Variants in IQGAP2 observed in about 807,000 individuals in gnomAD.
IQGAP2 encodes IQ motif containing GTPase activating protein 2, also known as ras GTPase-activating-like protein IQGAP2.
Under a neutral mutation model 201.3 loss-of-function variants are expected in IQGAP2, and 173 were observed. The observed-to-expected ratio is 0.86, with a 90% CI of 0.76 to 0.98. The LOEUF is 0.98. IQGAP2 is among the 50% of genes least tolerant of loss of function. The probability of loss-of-function intolerance (pLI) is 0.00; values close to 1 mark genes in which losing one functional copy is unlikely to be tolerated. For synonymous variants in IQGAP2, 675 were observed against 673.9 expected, an observed-to-expected ratio of 1.00 and a Z score of -0.03; for missense variants, 1,687 against 1,864.8, an observed-to-expected ratio of 0.90 and a Z score of 1.76.
intron 2 of IQGAP2, among the ~76,000 whole-genome samples, chr5:76,562,028 A>G (rs1237119773): frequency 6.6e-6 from 1 of 152,210 alleles, no homozygotes; most frequent in African/African-American, 2.4e-5. Context: ...GCCTCTGCCA[A>G]GGGCTCCTAA....
intron 2 of IQGAP2, among the ~76,000 whole-genome samples, chr5:76,481,252 C>G (rs1461760646): frequency 6.6e-6 from 1 of 151,912 alleles, no homozygotes; most frequent in Non-Finnish European, 1.5e-5. Flanking sequence ...ATAACAGGAG[C>G]CACATGTATA....
At chr5:76,516,864 A>G (rs765615338) in intron 2 of IQGAP2, among the ~76,000 whole-genome samples, 1 of 152,232 alleles carries the variant, frequency 6.6e-6, no homozygotes, top group Non-Finnish European at 1.5e-5. Context: ...TGCTATCTTA[A>G]CTTAAAAAAT....
chr5:76,453,880 T>C (rs1753911566), intron 1 of IQGAP2, among the ~76,000 whole-genome samples: 1 of 152,210 alleles, frequency 6.6e-6, no homozygotes, highest in African/African-American at 2.4e-5. Context: ...CTTCTAAATA[T>C]AGTAGAAGCT....
intron 5 of IQGAP2, among the ~76,000 whole-genome samples, chr5:76,582,347 GA>G (rs566804840): frequency 1.3e-5 from 2 of 152,350 alleles, no homozygotes; most frequent in South Asian, 4.1e-4. Flanking sequence ...TTGAGAAGGG[GA>G]AGGGCCTTGG....
chr5:76,575,067 CAG>C (rs1289479278), intron 4 of IQGAP2, among the ~76,000 whole-genome samples: 1 of 152,052 alleles, frequency 6.6e-6, no homozygotes, highest in Non-Finnish European at 1.5e-5. Context: ...CTAAAAAAAT[CAG>C]AGACATACAG....
chr5:76,616,718 G>A (rs1749010498), intron 13 of IQGAP2: 1 of 152,454 alleles, frequency 6.6e-6, no homozygotes, highest in Admixed American at 6.6e-5. Flanking sequence ...GTTGGGTATG[G>A]TGGTGCATGC....
At chr5:76,586,942 T>C (rs1746288960) in intron 5 of IQGAP2, among the ~76,000 whole-genome samples, 1 of 152,224 alleles carries the variant, frequency 6.6e-6, no homozygotes, top group Admixed American at 6.5e-5. Flanking sequence ...CCAATATCTA[T>C]AGTAACAGCT....
chr5:76,530,215 G>A (rs943777412), intron 2 of IQGAP2, among the ~76,000 whole-genome samples: 5 of 152,040 alleles, frequency 3.3e-5, no homozygotes, highest in Non-Finnish European at 5.9e-5. Flanking sequence ...AAACTAATGT[G>A]TTATGCTATT....
intron 16 of IQGAP2, among the ~76,000 whole-genome samples, chr5:76,638,994 A>T (rs1377568285): frequency 6.6e-6 from 1 of 152,194 alleles, no homozygotes; most frequent in Non-Finnish European, 1.5e-5. Flanking sequence ...TTATGGCCAA[A>T]AGTAACCTTT....
At chr5:76,693,718 G>A (rs965949901) in intron 31 of IQGAP2, 2 of 253,996 alleles carry the variant, frequency 7.9e-6, no homozygotes, top group Non-Finnish European at 1.5e-5. Flanking sequence ...GCCCGGAAAT[G>A]TTCATCATAA....
intron 2 of IQGAP2, among the ~76,000 whole-genome samples, chr5:76,548,753 A>C (rs1743252367): frequency 6.6e-6 from 1 of 152,212 alleles, no homozygotes; most frequent in Admixed American, 6.5e-5. Flanking sequence ...TGTGCTAAGT[A>C]AATGTGAGCT....
chr5:76,547,177 A>G (rs1743149052), intron 2 of IQGAP2, among the ~76,000 whole-genome samples: 1 of 152,204 alleles, frequency 6.6e-6, no homozygotes, highest in Non-Finnish European at 1.5e-5. Flanking sequence ...CTGTAGAGGA[A>G]TCAGTCTGTG....
intron 2 of IQGAP2, among the ~76,000 whole-genome samples, chr5:76,543,367 A>G (rs565910588): frequency 3.9e-5 from 6 of 152,288 alleles, no homozygotes; most frequent in Admixed American, 3.9e-4. Context: ...AAGGTGAAGC[A>G]TTTCAGTGAT....
Position 76,606,446 on chromosome 5 carries a change from A to G in IQGAP2, c.1357+143A>G, listed in dbSNP as rs201035195. 6 of 549,662 alleles carry G rather than the reference A, an allele frequency of 1.1e-5. No individual in the cohort carries two copies. In the East Asian group the frequency reaches 1.5e-4, roughly 14 times the overall value. 34.0% of individuals were successfully genotyped at this position (549,662 alleles called of 1,614,324 possible). On this transcript the variant is annotated intron_variant, in intron 12 of 35. Coordinates refer to ENST00000274364, the MANE Select transcript of IQGAP2 (RefSeq NM_006633.5). Reference sequence around the variant, plus strand: ...CGCTAATATGCATACCTTTATTTATAGGTAGATTTTATGCCTATACCACTG... The same window carrying G: ...CGCTAATATGCATACCTTTATTTATGGGTAGATTTTATGCCTATACCACTG...
chr5:76,601,625 A>C (rs1747436435), intron 11 of IQGAP2, among the ~76,000 whole-genome samples: 1 of 152,244 alleles, frequency 6.6e-6, no homozygotes, highest in Admixed American at 6.5e-5. Context: ...AGCCCCAGTT[A>C]AAATGAGTGA....
chr5:76,686,561 G>A (rs1448436663), intron 30 of IQGAP2, among the ~76,000 whole-genome samples: 1 of 152,158 alleles, frequency 6.6e-6, no homozygotes, highest in South Asian at 2.1e-4. Context: ...CCAGGCTGGA[G>A]TGCAGTGGCA....
chr5:76,698,853 T>TTAAA, intron 33 of IQGAP2, among the ~76,000 whole-genome samples: 1 of 152,330 alleles, frequency 6.6e-6, no homozygotes, highest in Non-Finnish European at 1.5e-5. Flanking sequence ...CATAGATCTT[T>TTAAA]TAAATTTTAT....
intron 5 of IQGAP2, among the ~76,000 whole-genome samples, chr5:76,587,385 A>C (rs1746322986): frequency 6.6e-6 from 1 of 152,222 alleles, no homozygotes; most frequent in African/African-American, 2.4e-5. Flanking sequence ...ATATGTAAGT[A>C]GGTTTATTAA....
intron 1 of IQGAP2, among the ~76,000 whole-genome samples, chr5:76,408,994 G>T (rs557685225): frequency 6.6e-6 from 1 of 151,774 alleles, no homozygotes; most frequent in Non-Finnish European, 1.5e-5. Context: ...GGGTTTCCCC[G>T]TGTGGTCAGG....
Sources: gnomAD v4.1 joint callset for allele counts (sites outside exome capture counted in the v4.1 genomes callset) on GRCh38, gnomAD v4.1.1 for gene constraint, MANE v1.5 for transcripts, NCBI Gene and HGNC (gene_info 2026-07-23, HGNC 2026-07-21) for gene names.